Variants in CDH18 observed in about 807,000 individuals in gnomAD.
CDH18 encodes cadherin-18.
CDH18 carries 31 observed loss-of-function variants against 67.9 expected under a neutral mutation model. The ratio of observed to expected loss-of-function variants is 0.46; its 90% CI spans 0.34 to 0.62. CDH18 has a LOEUF of 0.62. Ranked by LOEUF, CDH18 falls within the 20% of genes least tolerant of loss-of-function variation. The pLI is 0.01. For missense variants in CDH18, 890 were observed against 975.5 expected (o/e 0.91, Z 1.17); for synonymous variants, 362 against 347.2 (o/e 1.04, Z -0.48).
At chr5:20,245,472 GA>G in intron 2 of CDH18, among the ~76,000 whole-genome samples, 1 of 152,070 alleles carries the variant, frequency 6.6e-6, no homozygotes, top group Non-Finnish European at 1.5e-5. Context: ...ATTATAGCCA[GA>G]AAACCTGAGT....
At chr5:20,038,392 A>G (rs1740086680) in intron 2 of CDH18, among the ~76,000 whole-genome samples, 1 of 152,192 alleles carries the variant, frequency 6.6e-6, no homozygotes, top group African/African-American at 2.4e-5. Context: ...GCAGAGACAC[A>G]ACAAATAAAG....
intron 1 of CDH18, among the ~76,000 whole-genome samples, chr5:20,296,003 C>G (rs1580690318): frequency 6.7e-6 from 1 of 149,086 alleles, no homozygotes; most frequent in East Asian, 2.1e-4. Flanking sequence ...TCCCGAGTAA[C>G]TGGGATTCCA....
chr5:19,897,518 T>C (rs1261238444), intron 2 of CDH18, among the ~76,000 whole-genome samples: 1 of 152,084 alleles, frequency 6.6e-6, no homozygotes, highest in Non-Finnish European at 1.5e-5. Flanking sequence ...TACTCAGCAA[T>C]ATCTACTAAA....
chr5:20,347,208 T>C (rs1314076260), intron 1 of CDH18, among the ~76,000 whole-genome samples: 1 of 152,172 alleles, frequency 6.6e-6, no homozygotes, highest in Non-Finnish European at 1.5e-5. Context: ...TTAAACCTTC[T>C]TGTAAAATTT....
chr5:19,720,856 G>A, intron 5 of CDH18, among the ~76,000 whole-genome samples: 1 of 152,008 alleles, frequency 6.6e-6, no homozygotes, highest in East Asian at 1.9e-4. Flanking sequence ...GCCAACCCAA[G>A]AAATAGAAAT....
rs1426164010 is a variant in CDH18, at chr5:19,994,822, TAA to T, written c.-517-2810_-517-2809del. 2.1e-3 allele frequency among the ~76,000 whole-genome samples: 111 copies of T among 53,782 alleles called. 2 individuals carry two copies. Among genetic ancestry groups the T allele is most frequent in the African/African-American group, 8.1e-3 (103 of 12,708 alleles). The allele number at this position is 53,782 out of a possible 152,430, so 35.3% of individuals were successfully genotyped here. On this transcript the variant is annotated intron_variant, in intron 2 of 14. Transcript: ENST00000507958. ...ACATGTGTGTCTCTGTGTGTATATA[TAA>T]AGAGAATATATATATATATATATAT...
intron 2 of CDH18, among the ~76,000 whole-genome samples, chr5:19,908,505 A>G (rs1261730410): frequency 6.6e-6 from 1 of 152,174 alleles, no homozygotes; most frequent in Admixed American, 6.5e-5. Context: ...TTTCCACAAT[A>G]AAATTCTATC....
At chr5:20,270,934 G>A (rs187644335) in intron 1 of CDH18, among the ~76,000 whole-genome samples, 4 of 152,084 alleles carry the variant, frequency 2.6e-5, no homozygotes, top group East Asian at 3.9e-4. Flanking sequence ...GCTAAATGAC[G>A]AAAACATGGG....
At chr5:19,520,059 C>A (rs1351202101) in intron 10 of CDH18, among the ~76,000 whole-genome samples, 1 of 152,080 alleles carries the variant, frequency 6.6e-6, no homozygotes, top group African/African-American at 2.4e-5. Flanking sequence ...AAATGCACAA[C>A]CCCTTTCAGT....
intron 2 of CDH18, among the ~76,000 whole-genome samples, chr5:20,147,182 T>G (rs1750710556): frequency 6.6e-6 from 1 of 152,160 alleles, no homozygotes; most frequent in Admixed American, 6.5e-5. Context: ...TTGTTATTGT[T>G]TGGGTTTAAT....
intron 10 of CDH18, among the ~76,000 whole-genome samples, chr5:19,510,695 T>C (rs985856102): frequency 6.6e-6 from 1 of 152,030 alleles, no homozygotes; most frequent in Non-Finnish European, 1.5e-5. Flanking sequence ...ATCCCCATAA[T>C]CCCCACATTA....
intron 2 of CDH18, among the ~76,000 whole-genome samples, chr5:20,254,524 G>T (rs1431749522): frequency 6.6e-6 from 1 of 152,192 alleles, no homozygotes. Context: ...ATTGCTAAGG[G>T]AATTTATTTC....
At chr5:20,136,258 T>G (rs1473638140) in intron 2 of CDH18, among the ~76,000 whole-genome samples, 1 of 152,182 alleles carries the variant, frequency 6.6e-6, no homozygotes, top group Admixed American at 6.5e-5. Flanking sequence ...AGGACTTGCT[T>G]TATGAATCTG....
chr5:20,336,255 G>A (rs1277272784), intron 1 of CDH18, among the ~76,000 whole-genome samples: 4 of 152,032 alleles, frequency 2.6e-5, no homozygotes, highest in Admixed American at 2.6e-4. Flanking sequence ...CCCAACAGCA[G>A]TTAGGATCAC....
chr5:20,549,319 T>C (rs924336994), intron 1 of CDH18, among the ~76,000 whole-genome samples: 1 of 152,182 alleles, frequency 6.6e-6, no homozygotes, highest in Non-Finnish European at 1.5e-5. Flanking sequence ...ATTCTATATA[T>C]ACAAACACTT....
At chr5:20,428,170 C>T (rs1379256798) in intron 1 of CDH18, among the ~76,000 whole-genome samples, 5 of 150,880 alleles carry the variant, frequency 3.3e-5, no homozygotes, top group African/African-American at 1.2e-4. Context: ...TGCTCAACTC[C>T]CACTTATGAG....
intron 1 of CDH18, among the ~76,000 whole-genome samples, chr5:20,339,945 G>A (rs1322912575): frequency 6.6e-6 from 1 of 152,158 alleles, no homozygotes; most frequent in African/African-American, 2.4e-5. Context: ...TGCCAGAAAA[G>A]GGGAAGAGTA....
At chr5:20,071,217 A>AT (rs943604121) in intron 2 of CDH18, among the ~76,000 whole-genome samples, 2 of 152,002 alleles carry the variant, frequency 1.3e-5, no homozygotes, top group African/African-American at 2.4e-5. Flanking sequence ...GCATCAGTGT[A>AT]TTTTTTTTCT....
At chr5:20,432,048 C>A (rs1748787549) in intron 1 of CDH18, among the ~76,000 whole-genome samples, 2 of 152,000 alleles carry the variant, frequency 1.3e-5, no homozygotes, top group African/African-American at 4.8e-5. Context: ...AAACCTGGAA[C>A]CATTAAATGA....
Sources: gnomAD v4.1 joint callset for allele counts (sites outside exome capture counted in the v4.1 genomes callset) on GRCh38, gnomAD v4.1.1 for gene constraint, MANE v1.5 for transcripts, NCBI Gene and HGNC (gene_info 2026-07-23, HGNC 2026-07-21) for gene names.